The following TRIP12 variants were observed in gnomAD, a reference collection of about 807,000 sequenced individuals.
The protein encoded by TRIP12 is thyroid hormone receptor interactor 12.
Under a neutral mutation model 244.2 loss-of-function variants are expected in TRIP12, and 25 were observed. The ratio of observed to expected loss-of-function variants is 0.10; its 90% confidence interval spans 0.07 to 0.14. The LOEUF is 0.14. Among genes scored for constraint, TRIP12 ranks in the 10% least tolerant of loss-of-function variants. TRIP12 has a pLI of 1.00. For synonymous variants in TRIP12, 905 were observed against 873.1 expected, an observed-to-expected ratio of 1.04 and a Z score of -0.64; for missense variants, 1,677 against 2,486.4, an observed-to-expected ratio of 0.67 and a Z score of 6.92.
At chr2:229,785,968 T>A in intron 33 of TRIP12, 113 bp from the exon 34 acceptor site, 1 of 907,322 alleles carries the variant, frequency 1.1e-6, no homozygotes, top group Non-Finnish European at 1.6e-6. Context: ...TTGTTAACAC[T>A]TATTTCCTTA....
intron 37 of TRIP12, among the ~76,000 whole-genome samples, chr2:229,775,425 T>TC (rs1004604193): frequency 2.0e-5 from 3 of 150,656 alleles, no homozygotes; most frequent in East Asian, 4.0e-4. Flanking sequence ...ATTTTCATGT[T>TC]CCCCCCACTG....
intron 41 of TRIP12, among the ~76,000 whole-genome samples, 166 bp downstream of exon 41, chr2:229,768,450 C>T (rs148548903): frequency 3.2e-4 from 49 of 152,288 alleles, no homozygotes; most frequent in African/African-American, 1.2e-3. Flanking sequence ...TTAAGACAAT[C>T]CCCATGGATT....
Position 229,818,599 on chromosome 2 carries a change from C to T in TRIP12, c.1451-87G>A, listed in dbSNP as rs1044244424. The T allele has an allele frequency of 2.0e-5, 26 of 1,279,236 alleles. No individual in the cohort carries two copies. The African/African-American group carries it at 3.9e-4, about 19-fold the overall frequency. The allele number at this position is 1,279,236 out of a possible 1,614,324, so 79.2% of individuals were successfully genotyped here. A position where few individuals can be genotyped will look rare whatever the true frequency, so the allele number is the denominator to read the frequency against. On this transcript the variant is annotated intron_variant, in intron 8 of 41. Transcript: ENST00000675903. ...GTGTGACTCGAAATGTAATTGGTTG[C>T]TTATCTTCTTTGCATCCTAATGAAA...
At position 229,878,096 on chromosome 2, in the gene TRIP12, A is replaced by C. The variant is rs774108262; in HGVS notation, c.98+1886T>G. ...TAGCTATCCCATTCTGTGGACTAAG[A>C]AACTGAGGTTTCCTGAAACTCTTAA... On this transcript the variant is annotated intron_variant, in intron 2 of 41. Coordinates refer to ENST00000675903, the MANE Select transcript of TRIP12 (RefSeq NM_001348323.3). 6.6e-5 allele frequency among the ~76,000 whole-genome samples: 10 copies of C among 152,204 alleles called. No homozygotes were observed. The South Asian group carries it at 8.3e-4, about 13-fold the overall frequency.
intron 7 of TRIP12, among the ~76,000 whole-genome samples, chr2:229,830,118 C>T (rs1187322039): frequency 6.6e-6 from 1 of 152,040 alleles, no homozygotes; most frequent in African/African-American, 2.4e-5. Context: ...AAAATACATA[C>T]CCATCCATAC....
At chr2:229,860,737 C>T (rs1451275660) in intron 2 of TRIP12, among the ~76,000 whole-genome samples, 4 of 152,062 alleles carry the variant, frequency 2.6e-5, no homozygotes, top group Middle Eastern at 3.2e-3. Context: ...ACCCCCGCCC[C>T]GCAATACCGA....
chr2:229,848,485 G>A (rs1051661523), intron 4 of TRIP12, among the ~76,000 whole-genome samples: 2 of 151,902 alleles, frequency 1.3e-5, no homozygotes, highest in Middle Eastern at 3.4e-3. Flanking sequence ...GGCAAACATG[G>A]GGGAAAAAAA....
At chr2:229,808,631 C>T (rs2046470486) in intron 15 of TRIP12, among the ~76,000 whole-genome samples, 1 of 152,168 alleles carries the variant, frequency 6.6e-6, no homozygotes. Context: ...CCTTCTCACC[C>T]CTGAGACTTC....
At chr2:229,851,646 ACACT>A (rs1003412249) in intron 4 of TRIP12, among the ~76,000 whole-genome samples, 49 of 152,304 alleles carry the variant, frequency 3.2e-4, no homozygotes, top group African/African-American at 1.2e-3. Context: ...ATGAGCTATA[ACACT>A]CACCGCGAAG....
chr2:229,817,813 T>G (rs1206743262), intron 9 of TRIP12, among the ~76,000 whole-genome samples: 3 of 152,178 alleles, frequency 2.0e-5, no homozygotes, highest in Non-Finnish European at 4.4e-5. Flanking sequence ...CAGCCTGGTC[T>G]CCAACTCCTG....
At chr2:229,869,228 A>G (rs953053125) in intron 2 of TRIP12, among the ~76,000 whole-genome samples, 1 of 152,106 alleles carries the variant, frequency 6.6e-6, no homozygotes, top group Admixed American at 6.5e-5. Flanking sequence ...CCTTACTCCA[A>G]TCATGTTTTC....
chr2:229,916,875 A>C, intron 1 of TRIP12, among the ~76,000 whole-genome samples: 1 of 146,468 alleles, frequency 6.8e-6, no homozygotes. Context: ...AAAAAAAAAG[A>C]AAAATCAAGG....
intron 3 of TRIP12, among the ~76,000 whole-genome samples, chr2:229,860,054 A>G (rs1311499896): frequency 6.6e-6 from 1 of 152,218 alleles, no homozygotes; most frequent in Non-Finnish European, 1.5e-5. Flanking sequence ...CTTAACAATT[A>G]AATCTTAAGA....
At chr2:229,781,632 G>C (rs1417187167) in intron 34 of TRIP12, among the ~76,000 whole-genome samples, 1 of 152,178 alleles carries the variant, frequency 6.6e-6, no homozygotes. Flanking sequence ...TGGCTTGTGA[G>C]CCCAAAGACT....
intron 1 of TRIP12, among the ~76,000 whole-genome samples, chr2:229,921,034 A>C (rs1031764344): frequency 4.7e-5 from 7 of 148,902 alleles, no homozygotes; most frequent in Non-Finnish European, 1.0e-4. Flanking sequence ...CCCTCCCCCA[A>C]GTCCTAGTTA....
chr2:229,813,746 T>C (rs2047833429), intron 13 of TRIP12, 124 bp downstream of exon 13: 10 of 646,194 alleles, frequency 1.5e-5, no homozygotes, highest in Non-Finnish European at 2.1e-5. Context: ...ATCACACCAC[T>C]GCACTCTAGC....
In TRIP12 at chr2:229,799,390, A is replaced by G. The variant is rs776422458; in HGVS notation, c.3207-7T>C. On this transcript the variant is annotated splice_region_variant and splice_polypyrimidine_tract_variant and intron_variant, in intron 21 of 41. Transcript: ENST00000675903. ...TAGAACATCACTTAATCGACTGTCC[A>G]TGGGAAAATATGAGATAAGTTTAGC... The G allele has an allele frequency of 2.1e-5, 34 of 1,612,774 alleles. No individual in the cohort carries two copies. Among genetic ancestry groups the G allele is most frequent in the Non-Finnish European group, 2.8e-5 (33 of 1,178,906 alleles).
intron 4 of TRIP12, among the ~76,000 whole-genome samples, chr2:229,842,093 T>A (rs2056561096): frequency 6.6e-6 from 1 of 152,254 alleles, no homozygotes; most frequent in Admixed American, 6.5e-5. Flanking sequence ...GCATTACTTT[T>A]TAGACATCTA....
chr2:229,858,731 A>G, intron 4 of TRIP12, 41 bp downstream of exon 4: 4 of 1,502,600 alleles, frequency 2.7e-6, no homozygotes, highest in Non-Finnish European at 3.6e-6. Flanking sequence ...ACCAAGAGAA[A>G]CTTTCTTTAA....
Sources: gnomAD v4.1 joint callset for allele counts (sites outside exome capture counted in the v4.1 genomes callset) on GRCh38, gnomAD v4.1.1 for gene constraint, MANE v1.5 for transcripts, NCBI Gene and HGNC (gene_info 2026-07-23, HGNC 2026-07-21) for gene names.